Variants in LAMB1 observed in about 807,000 individuals in gnomAD.
LAMB1 encodes laminin subunit beta 1.
LAMB1 carries 121 observed loss-of-function variants against 222.3 expected under a neutral mutation model. The observed-to-expected ratio is 0.54, with a 90% CI of 0.47 to 0.63. The LOEUF (loss-of-function observed/expected upper bound fraction) is 0.63, where lower values mean the gene tolerates loss of function less well. LAMB1 is among the 30% of genes least tolerant of loss of function. LAMB1 has a pLI of 0.00. For missense variants in LAMB1, 2,172 were observed against 2,240.8 expected (o/e 0.97, Z 0.62); for synonymous variants, 794 against 807.2 (o/e 0.98, Z 0.28).
At position 107,958,750 on chromosome 7, in the gene LAMB1, T is replaced by C. The variant is rs190659565; in HGVS notation, c.2690+499A>G. Among the ~76,000 whole-genome samples, 5 of 152,362 alleles carry C rather than the reference T, an allele frequency of 3.3e-5. No individual in the cohort carries two copies. The East Asian group carries it at 7.7e-4, about 23-fold the overall frequency. Reference sequence around the variant, plus strand: ...TACTCTACATCTAGCACATCCATAATGATTATTCAACTGACATTTGCTAAC... The same window carrying C: ...TACTCTACATCTAGCACATCCATAACGATTATTCAACTGACATTTGCTAAC... On this transcript the variant is annotated intron_variant, in intron 20 of 33. Transcript: ENST00000222399.
intron 13 of LAMB1, among the ~76,000 whole-genome samples, chr7:107,966,696 T>C (rs988506259): frequency 2.0e-5 from 3 of 152,078 alleles, no homozygotes; most frequent in Non-Finnish European, 4.4e-5. Context: ...AGACAACAAA[T>C]ATCCAAAACA....
intron 4 of LAMB1, among the ~76,000 whole-genome samples, chr7:107,996,146 C>G (rs1231293046): frequency 6.6e-6 from 1 of 152,148 alleles, no homozygotes; most frequent in Admixed American, 6.5e-5. Context: ...TAAAAACCTA[C>G]AATATTTGTT....
intron 31 of LAMB1, among the ~76,000 whole-genome samples, chr7:107,927,106 T>C (rs1350033680): frequency 6.6e-6 from 1 of 152,178 alleles, no homozygotes; most frequent in Non-Finnish European, 1.5e-5. Flanking sequence ...TCTAATTACA[T>C]AGAATTAACT....
At chr7:107,935,899 T>C (rs1476667388) in intron 26 of LAMB1, among the ~76,000 whole-genome samples, 1 of 152,188 alleles carries the variant, frequency 6.6e-6, no homozygotes, top group East Asian at 1.9e-4. Flanking sequence ...AATCATGCAA[T>C]CTTGTTTCTA....
chr7:107,978,493 T>A (rs1411859837), intron 8 of LAMB1, among the ~76,000 whole-genome samples: 3 of 151,808 alleles, frequency 2.0e-5, no homozygotes, highest in Non-Finnish European at 2.9e-5. Context: ...AAGATTTTTT[T>A]AAGAAAACCT....
At chr7:107,994,254 G>A (rs1584541028) in intron 5 of LAMB1, among the ~76,000 whole-genome samples, 1 of 152,222 alleles carries the variant, frequency 6.6e-6, no homozygotes, top group Admixed American at 6.5e-5. Context: ...CCCTAGTTCT[G>A]GAGTCATTTT....
intron 24 of LAMB1, 122 bp from the exon 25 acceptor site, chr7:107,940,480 G>T: frequency 9.7e-7 from 1 of 1,031,762 alleles, no homozygotes; most frequent in South Asian, 1.6e-5. Flanking sequence ...GACAACAATT[G>T]ACCAATGGCT....
chr7:107,934,834 G>A (rs1453269336), intron 27 of LAMB1, among the ~76,000 whole-genome samples: 16 of 150,390 alleles, frequency 1.1e-4, no homozygotes, highest in Non-Finnish European at 3.0e-5. Flanking sequence ...AGGAGGGTGA[G>A]GTGGGAAGAT....
In LAMB1 at chr7:107,935,347, GTTT is replaced by G. The variant is rs200599445; in HGVS notation, c.4188+65_4188+67del. 3,472 of 1,170,962 alleles carry G rather than the reference GTTT, an allele frequency of 3.0e-3. 39 individuals carry two copies. In the African/African-American group the frequency reaches 0.046, roughly 15 times the overall value. 72.5% of individuals were successfully genotyped at this position (1,170,962 alleles called of 1,614,324 possible). On this transcript the variant is annotated intron_variant, in intron 27 of 33. Transcript: ENST00000222399. ...GACAAAAGATGGTTTGTTTTTCTTT[GTTT>G]TTTTTTTTTTTTTTTTTTTTTTTGC...
At chr7:107,983,876 A>G (rs982254990) in intron 7 of LAMB1, among the ~76,000 whole-genome samples, 1 of 152,102 alleles carries the variant, frequency 6.6e-6, no homozygotes, top group African/African-American at 2.4e-5. Flanking sequence ...ATTGTGTAAT[A>G]AGAGCAGTTG....
At chr7:107,976,258 A>G (rs1171591051) in intron 9 of LAMB1, among the ~76,000 whole-genome samples, 1 of 152,006 alleles carries the variant, frequency 6.6e-6, no homozygotes, top group Non-Finnish European at 1.5e-5. Context: ...GTAGCGAGGG[A>G]CCTTCCAGAT....
At chr7:107,988,128 G>A (rs2034114100) in intron 5 of LAMB1, among the ~76,000 whole-genome samples, 1 of 152,220 alleles carries the variant, frequency 6.6e-6, no homozygotes, top group African/African-American at 2.4e-5. Context: ...TGAAAATTTA[G>A]TGACAGAAGA....
rs368115029 is a variant in LAMB1, at chr7:107,935,443, C to T, written c.4160G>A (p.Ser1387Asn). 1.9e-6 allele frequency: 3 copies of T among 1,562,044 alleles called. No individual in the cohort carries two copies. In the African/African-American group the frequency reaches 4.3e-5, roughly 23 times the overall value. The change falls in exon 27 of 34, where the codon AGC becomes AAC. Residue 1387 changes from serine to asparagine, a missense_variant. Coordinates refer to ENST00000222399, the MANE Select transcript of LAMB1 (RefSeq NM_002291.3). The stretch of plus-strand genomic sequence containing the variant: ...TTCGGCAGCGGCTGAAAGGTCTAGG[C>T]TTTGTAGCTTGCCTGCCAGTTCATC... Reference protein sequence around the residue: ...LLDELAGKLQSLDLSAAAEMT... With the variant: ...LLDELAGKLQNLDLSAAAEMT...
In LAMB1 at chr7:107,940,261, G is replaced by A. The variant is rs1451924426; in HGVS notation, c.3489C>T (p.Asp1163=). ...CVEGVEGPRC[D]KCTRGYSGVF... is the part of the protein sequence containing the mutation. ...CCCCCGAGTACCCTCGCGTGCACTT[G>A]TCACAGCGTGGACCCTCAACACCCT... Residue 1163 remains aspartate (D), a synonymous_variant, in exon 25 of 34, where the codon GAC becomes GAT. Coordinates refer to ENST00000222399, the MANE Select transcript of LAMB1 (RefSeq NM_002291.3). The A allele has an allele frequency of 1.2e-6, 2 of 1,614,234 alleles. No individual in the cohort carries two copies. Among genetic ancestry groups the A allele is most frequent in the South Asian group, 2.2e-5 (2 of 91,086 alleles).
rs762139899 is a variant in LAMB1 at position 107,940,066 on chromosome 7, G to T, written c.3684C>A (p.Ser1228Arg). 9.3e-6 allele frequency: 15 copies of T among 1,613,922 alleles called. No individual in the cohort carries two copies. In the East Asian group the frequency reaches 3.1e-4, roughly 34 times the overall value. The change falls in exon 25 of 34, where the codon AGC (serine) becomes AGA (arginine). Residue 1228 changes from serine (S) to arginine (R), a missense_variant. Coordinates refer to ENST00000222399, the MANE Select transcript of LAMB1 (RefSeq NM_002291.3). ...TCTGCGCCAGGATGTCTTTTATCTC[G>T]CTGACTTTCCTCTCCACCGAGTCCA... ...ETVDSVERKV[S>R]EIKDILAQSP...
chr7:107,924,337 G>T lies in LAMB1; in HGVS notation c.5117C>A (p.Ala1706Asp). The T allele has an allele frequency of 6.2e-7, 1 of 1,611,878 alleles. No individual in the cohort carries two copies. The highest frequency in any genetic ancestry group is 8.5e-7 in the Non-Finnish European group (1 of 1,178,952). Reference protein sequence around the residue: ...EKYKKVENLIAKKTEESADAR... With the variant: ...EKYKKVENLIDKKTEESADAR... The stretch of plus-strand genomic sequence containing the variant: ...ATCAGCTGACTCTTCAGTTTTTTTG[G>T]CAATTAAATTTTCTACTTTTTTATA... Residue 1706 changes from alanine to aspartate, a missense_variant, in exon 33 of 34, where the codon GCC (alanine) becomes GAC (aspartate). Transcript: ENST00000222399.
Position 107,926,172 on chromosome 7 carries a change from G to A in LAMB1, c.5064+11C>T, listed in dbSNP as rs376512650. ...AACAACATAGCTCTGAAATTACAAAGATTTACGTACCTTCTTAACATCTTC... is the reference window on the plus strand; with the variant it reads ...AACAACATAGCTCTGAAATTACAAAAATTTACGTACCTTCTTAACATCTTC... On this transcript the variant is annotated intron_variant, in intron 32 of 33. Coordinates refer to ENST00000222399, the MANE Select transcript of LAMB1 (RefSeq NM_002291.3). 1.3e-5 allele frequency: 21 copies of A among 1,608,922 alleles called. No homozygotes were observed. Among genetic ancestry groups the A allele is most frequent in the South Asian group, 2.2e-5 (2 of 90,844 alleles).
chr7:107,990,815 TG>T (rs1414071732), intron 5 of LAMB1, among the ~76,000 whole-genome samples: 1 of 152,164 alleles, frequency 6.6e-6, no homozygotes, highest in Non-Finnish European at 1.5e-5. Context: ...AGTGGACACA[TG>T]GGATTTGAAA....
intron 32 of LAMB1, among the ~76,000 whole-genome samples, chr7:107,925,081 G>A (rs1194600775): frequency 6.6e-6 from 1 of 152,094 alleles, no homozygotes; most frequent in Non-Finnish European, 1.5e-5. Flanking sequence ...AAACAGAAAA[G>A]ACAGCTGTCT....
Sources: gnomAD v4.1 joint callset for allele counts (sites outside exome capture counted in the v4.1 genomes callset) on GRCh38, gnomAD v4.1.1 for gene constraint, MANE v1.5 for transcripts, NCBI Gene and HGNC (gene_info 2026-07-23, HGNC 2026-07-21) for gene names.